The following CFAP221 variants were observed in gnomAD, a reference collection of about 807,000 sequenced individuals.
CFAP221 encodes cilia- and flagella-associated protein 221.
CFAP221 carries 97 observed loss-of-function variants against 113.1 expected under a neutral mutation model. The observed-to-expected ratio is 0.86, with a 90% CI of 0.73 to 1.02. CFAP221 has a LOEUF of 1.02. Among genes scored for constraint, CFAP221 ranks in the 50% least tolerant of loss-of-function variants. CFAP221 has a pLI of 0.00. For missense variants in CFAP221, 1,025 were observed against 1,013.4 expected (o/e 1.01, Z -0.16); for synonymous variants, 331 against 354.4 (o/e 0.93, Z 0.74).
intron 3 of CFAP221, among the ~76,000 whole-genome samples, chr2:119,552,134 A>G (rs1680474679): frequency 6.6e-6 from 1 of 150,552 alleles, no homozygotes. Flanking sequence ...CTTTTGGGTC[A>G]CAACATAGCT....
chr2:119,658,858 G>A (rs1439351605), downstream of CFAP221, among the ~76,000 whole-genome samples: 1 of 151,910 alleles, frequency 6.6e-6, no homozygotes, highest in African/African-American at 2.4e-5. Flanking sequence ...AGGCATGGTG[G>A]CAAACACCTG....
chr2:119,633,934 A>G (rs140169565), intron 19 of CFAP221, among the ~76,000 whole-genome samples: 48 of 152,344 alleles, frequency 3.2e-4, no homozygotes, highest in African/African-American at 1.1e-3. Flanking sequence ...AAAATTAAAT[A>G]CAGAACTGCC....
intron 22 of CFAP221, among the ~76,000 whole-genome samples, chr2:119,647,474 C>T (rs770941937): frequency 1.3e-5 from 2 of 152,194 alleles, no homozygotes; most frequent in South Asian, 2.1e-4. Context: ...AATCTCCTAT[C>T]CGTATGCTCA....
chr2:119,592,159 A>G (rs1038921516), intron 7 of CFAP221, among the ~76,000 whole-genome samples: 3 of 152,184 alleles, frequency 2.0e-5, no homozygotes, highest in Admixed American at 2.0e-4. Flanking sequence ...GGCTGGAGGC[A>G]TACGATGATG....
intron 19 of CFAP221, among the ~76,000 whole-genome samples, chr2:119,636,313 A>G (rs1011129093): frequency 2.6e-5 from 4 of 152,206 alleles, no homozygotes; most frequent in African/African-American, 9.6e-5. Context: ...TCTCAACAAT[A>G]TCAAAGGAAA....
At position 119,559,991 on chromosome 2, in the gene CFAP221, C is replaced by T. The variant is rs1488780520; in HGVS notation, c.391C>T (p.Arg131Ter). Residue 131 changes from arginine (R) to a stop codon, truncating the protein, a stop_gained, in exon 5 of 24, where the codon CGA becomes TGA. Coordinates refer to ENST00000413369, the MANE Select transcript of CFAP221 (RefSeq NM_001271049.2). LOFTEE classifies it high-confidence loss of function. ...VTVTFSPDEW[R>*]YYYDCIRVHC... ...CGTTACATTTTCTCCAGATGAGTGG[C>T]GATACTATTATGACTGCATCCGTGT... is the stretch of plus-strand genomic sequence containing the variant. 13 of 1,533,372 alleles carry T rather than the reference C, an allele frequency of 8.5e-6. No individual in the cohort carries two copies. The highest frequency in any genetic ancestry group is 2.5e-5 in the East Asian group (1 of 40,790). The allele number at this position is 1,533,372 out of a possible 1,614,324, so 95.0% of individuals were successfully genotyped here.
At chr2:119,585,331 A>T (rs1255477304) in intron 6 of CFAP221, among the ~76,000 whole-genome samples, 2 of 152,192 alleles carry the variant, frequency 1.3e-5, no homozygotes, top group African/African-American at 4.8e-5. Flanking sequence ...ATAAAATTTG[A>T]TTGAGGACAT....
chr2:119,604,308 C>G (rs1684569053), intron 8 of CFAP221, among the ~76,000 whole-genome samples: 1 of 152,004 alleles, frequency 6.6e-6, no homozygotes, highest in African/African-American at 2.4e-5. Flanking sequence ...GTGGTGCACG[C>G]ATGTAGTCCC....
intron 6 of CFAP221, among the ~76,000 whole-genome samples, chr2:119,564,797 ATTTTGTTTTG>A (rs797020794): frequency 1.3e-5 from 2 of 151,974 alleles, no homozygotes; most frequent in Admixed American, 1.3e-4. Flanking sequence ...AGTTTCCACT[ATTTTGTTTTG>A]TTTTGTTTTG....
At chr2:119,551,485 A>G (rs974415997) in intron 3 of CFAP221, among the ~76,000 whole-genome samples, 5 of 152,150 alleles carry the variant, frequency 3.3e-5, no homozygotes, top group African/African-American at 1.2e-4. Context: ...AATCTTTTGC[A>G]TGTTCTACCA....
rs35631078 is a variant in CFAP221, at chr2:119,560,045, CT to C, written c.426+39del. On this transcript the variant is annotated intron_variant, in intron 5 of 23. Transcript: ENST00000413369. ...CTGTAAGGTAGGTCTCTTAAAATTG[CT>C]TTTTTTTTTTTTTTTTTTTGATGGT... The C allele has an allele frequency of 0.15, 130,414 of 852,600 alleles. 24 individuals carry two copies. Among genetic ancestry groups the C allele is most frequent in the Middle Eastern group, 0.17 (514 of 3,022 alleles). The allele number at this position is 852,600 out of a possible 1,614,324, so 52.8% of individuals were successfully genotyped here. A position where few individuals can be genotyped will look rare whatever the true frequency, so the allele number is the denominator to read the frequency against.
At chr2:119,599,846 C>T (rs1684243415) in intron 7 of CFAP221, among the ~76,000 whole-genome samples, 1 of 152,164 alleles carries the variant, frequency 6.6e-6, no homozygotes, top group South Asian at 2.1e-4. Flanking sequence ...ATTGCTCTAA[C>T]TTTAGTGCCT....
intron 6 of CFAP221, among the ~76,000 whole-genome samples, chr2:119,582,051 A>G (rs1229197430): frequency 6.6e-6 from 1 of 152,238 alleles, no homozygotes; most frequent in African/African-American, 2.4e-5. Context: ...TCAGAATGCC[A>G]GGGGAAAATA....
intron 6 of CFAP221, among the ~76,000 whole-genome samples, chr2:119,586,344 C>A (rs1683221498): frequency 6.6e-6 from 1 of 152,164 alleles, no homozygotes; most frequent in Non-Finnish European, 1.5e-5. Context: ...AGGCAGTCAA[C>A]TCTGGCTGAC....
At chr2:119,657,521 A>C (rs1688482722), downstream of CFAP221, among the ~76,000 whole-genome samples, 1 of 152,240 alleles carries the variant, frequency 6.6e-6, no homozygotes, top group South Asian at 2.1e-4. Context: ...ATTTAGAAAT[A>C]TTTTTAAACT....
intron 15 of CFAP221, 116 bp from the exon 16 acceptor site, chr2:119,627,537 A>G (rs2104752764): frequency 1.4e-6 from 1 of 729,256 alleles, no homozygotes; most frequent in Non-Finnish European, 2.1e-6. Context: ...ATATATATAT[A>G]TATATATACA....
intron 23 of CFAP221, among the ~76,000 whole-genome samples, chr2:119,655,473 T>G (rs188980855): frequency 1.3e-5 from 2 of 152,358 alleles, no homozygotes; most frequent in African/African-American, 2.4e-5. Context: ...ATTTCTGGTT[T>G]TCCAAAACTG....
At chr2:119,657,332 C>T (rs935695343), downstream of CFAP221, among the ~76,000 whole-genome samples, 2 of 152,162 alleles carry the variant, frequency 1.3e-5, no homozygotes, top group Non-Finnish European at 2.9e-5. Flanking sequence ...GCCTTCTTAA[C>T]ATTTCTGAAC....
At chr2:119,633,543 G>T (rs1433781971) in intron 19 of CFAP221, among the ~76,000 whole-genome samples, 1 of 151,434 alleles carries the variant, frequency 6.6e-6, no homozygotes. Flanking sequence ...GTGACCTACA[G>T]AATAAATAAA....
Sources: gnomAD v4.1 joint callset for allele counts (sites outside exome capture counted in the v4.1 genomes callset) on GRCh38, gnomAD v4.1.1 for gene constraint, MANE v1.5 for transcripts, NCBI Gene and HGNC (gene_info 2026-07-23, HGNC 2026-07-21) for gene names.